COL24A1: variants seen among roughly 807,000 people sequenced by gnomAD.
COL24A1 encodes collagen type XXIV alpha 1 chain.
In COL24A1, 224 loss-of-function variants were observed where a neutral mutation model predicts 253.9. That is an observed-to-expected ratio of 0.88 (90% CI 0.79 to 0.99). The LOEUF is 0.99. Among genes scored for constraint, COL24A1 ranks in the 50% least tolerant of loss-of-function variants. The pLI is 0.00. For missense variants in COL24A1, 2,131 were observed against 2,068.5 expected (o/e 1.03, Z -0.59); for synonymous variants, 685 against 673.7 (o/e 1.02, Z -0.26).
intron 3 of COL24A1, among the ~76,000 whole-genome samples, chr1:86,123,427 TTAAA>T (rs767518454): frequency 9.2e-5 from 14 of 152,056 alleles, no homozygotes; most frequent in South Asian, 2.1e-4. Context: ...ACAAGATATA[TTAAA>T]TAGTTATAAA....
chr1:85,835,864 T>C (rs764854556), intron 43 of COL24A1, among the ~76,000 whole-genome samples: 63 of 152,146 alleles, frequency 4.1e-4, no homozygotes, highest in Non-Finnish European at 7.5e-4. Context: ...CCCCAAAATA[T>C]GGCATCTCGG....
intron 53 of COL24A1, among the ~76,000 whole-genome samples, chr1:85,764,229 C>T (rs183773582): frequency 6.6e-6 from 1 of 152,086 alleles, no homozygotes; most frequent in East Asian, 1.9e-4. Flanking sequence ...CATTCTTTTC[C>T]CCCAATTGTC....
intron 12 of COL24A1, among the ~76,000 whole-genome samples, chr1:86,039,727 A>G (rs545208641): frequency 1.4e-3 from 206 of 152,336 alleles, no homozygotes; most frequent in Middle Eastern, 3.4e-3. Context: ...TAGAAACACT[A>G]AAATTTAACC....
intron 19 of COL24A1, among the ~76,000 whole-genome samples, chr1:86,009,803 C>T (rs1359530597): frequency 1.3e-5 from 2 of 152,036 alleles, no homozygotes; most frequent in African/African-American, 2.4e-5. Context: ...GTTATGAAGG[C>T]ATTATATGAC....
chr1:85,976,731 A>G (rs1692720549), intron 20 of COL24A1, among the ~76,000 whole-genome samples: 1 of 152,182 alleles, frequency 6.6e-6, no homozygotes, highest in African/African-American at 2.4e-5. Flanking sequence ...AACTCAGGAT[A>G]TTATGGCAAC....
chr1:86,065,550 C>T (rs1428455492), intron 7 of COL24A1, among the ~76,000 whole-genome samples: 1 of 152,028 alleles, frequency 6.6e-6, no homozygotes, highest in Non-Finnish European at 1.5e-5. Flanking sequence ...CACCTCAGCC[C>T]CAGGACTTGA....
intron 43 of COL24A1, among the ~76,000 whole-genome samples, chr1:85,829,968 A>T (rs1674965773): frequency 6.6e-6 from 1 of 152,076 alleles, no homozygotes; most frequent in Non-Finnish European, 1.5e-5. Context: ...GCTGGTGAGG[A>T]ACTGCGTTCC....
At chr1:85,814,784 GTAAT>G (rs60251382) in intron 47 of COL24A1, among the ~76,000 whole-genome samples, 14,057 of 152,208 alleles carry the variant, frequency 0.092, 897 homozygotes, top group Non-Finnish European at 0.14. Flanking sequence ...TGAGTAAAAA[GTAAT>G]TAATGACTTT....
intron 9 of COL24A1, among the ~76,000 whole-genome samples, chr1:86,058,231 AT>A (rs556023688): frequency 2.6e-4 from 39 of 151,960 alleles, no homozygotes; most frequent in African/African-American, 8.4e-4. Context: ...GATTTTTAAA[AT>A]TTTTTTCATT....
At position 85,744,709 on chromosome 1, in the gene COL24A1, T is replaced by A; in HGVS notation, c.4629A>T (p.Arg1543=). The A allele has an allele frequency of 6.2e-7, 1 of 1,609,502 alleles. No homozygotes were observed. The highest frequency in any genetic ancestry group is 8.5e-7 in the Non-Finnish European group (1 of 1,178,566). Residue 1543 remains arginine (R), a synonymous_variant, in exon 57 of 60, where the codon CGA becomes CGT. Coordinates refer to ENST00000370571, the MANE Select transcript of COL24A1 (RefSeq NM_152890.7). ...CACAGTTAAGTAAATCTTTGCAGAT[T>A]CGTGCTGGGTTATCTCGTGTGCCAA... ...NPLGTRDNPA[R]ICKDLLNCEQ...
Position 86,095,251 on chromosome 1 carries a change from T to A in COL24A1, c.1600-2931A>T, listed in dbSNP as rs570767345. ...ATCTCCACTTTAAAAATTGATAGAG[T>A]GGGCAAAAGTAATCAATTGAACAAT... On this transcript the variant is annotated intron_variant, in intron 5 of 59. Coordinates refer to ENST00000370571, the MANE Select transcript of COL24A1 (RefSeq NM_152890.7). Among the ~76,000 whole-genome samples, 92 of 152,114 alleles carry A rather than the reference T, an allele frequency of 6.0e-4. 2 individuals carry two copies. In the South Asian group the frequency reaches 0.019, roughly 31 times the overall value.
intron 13 of COL24A1, among the ~76,000 whole-genome samples, chr1:86,032,497 AT>A (rs1470715952): frequency 3.3e-5 from 5 of 152,026 alleles, no homozygotes; most frequent in Admixed American, 3.3e-4. Context: ...TAAGTATCAG[AT>A]TTTTCATGAT....
intron 24 of COL24A1, among the ~76,000 whole-genome samples, chr1:85,911,929 A>T (rs984352065): frequency 9.9e-5 from 15 of 152,252 alleles, no homozygotes; most frequent in Admixed American, 7.2e-4. Flanking sequence ...ATTACTGAGG[A>T]AGACAAATCT....
intron 24 of COL24A1, 150 bp from the exon 25 acceptor site, chr1:85,911,583 G>T: frequency 1.4e-6 from 1 of 693,896 alleles, no homozygotes; most frequent in South Asian, 1.7e-5. Context: ...TAGCTATGCA[G>T]TCTGTGACTT....
intron 43 of COL24A1, among the ~76,000 whole-genome samples, chr1:85,832,093 T>G (rs955885096): frequency 1.2e-4 from 19 of 152,132 alleles, no homozygotes; most frequent in African/African-American, 4.3e-4. Context: ...CATCTTGAAT[T>G]AATTTTTGTA....
chr1:85,853,569 C>G (rs1257436200), intron 37 of COL24A1, among the ~76,000 whole-genome samples: 1 of 152,242 alleles, frequency 6.6e-6, no homozygotes, highest in African/African-American at 2.4e-5. Flanking sequence ...AGTGGCTGAG[C>G]TAATTTACAT....
intron 51 of COL24A1, among the ~76,000 whole-genome samples, chr1:85,782,957 T>C (rs1020418543): frequency 6.6e-6 from 1 of 152,242 alleles, no homozygotes; most frequent in African/African-American, 2.4e-5. Flanking sequence ...GTCCTATTTA[T>C]ATTCTCTACA....
chr1:85,822,996 C>T (rs1166342614), intron 45 of COL24A1, among the ~76,000 whole-genome samples: 1 of 152,146 alleles, frequency 6.6e-6, no homozygotes, highest in East Asian at 1.9e-4. Flanking sequence ...TCAATCTGCT[C>T]CTTTGTTATA....
At chr1:85,915,393 T>C (rs1194767906) in intron 24 of COL24A1, among the ~76,000 whole-genome samples, 1 of 152,212 alleles carries the variant, frequency 6.6e-6, no homozygotes, top group African/African-American at 2.4e-5. Context: ...ACTGGAACTA[T>C]ACTGGATTTC....
Sources: gnomAD v4.1 joint callset for allele counts (sites outside exome capture counted in the v4.1 genomes callset) on GRCh38, gnomAD v4.1.1 for gene constraint, MANE v1.5 for transcripts, NCBI Gene and HGNC (gene_info 2026-07-23, HGNC 2026-07-21) for gene names.